SIMC1: variants seen among roughly 807,000 people sequenced by gnomAD.
The protein encoded by SIMC1 is SUMO-interacting motif-containing protein 1.
Under a neutral mutation model 82.3 loss-of-function variants are expected in SIMC1, and 55 were observed. The observed-to-expected ratio is 0.67, with a 90% CI of 0.54 to 0.84. The LOEUF is 0.84. Among genes scored for constraint, SIMC1 ranks in the 40% least tolerant of loss-of-function variants. SIMC1 has a pLI of 0.00. For synonymous variants in SIMC1, 353 were observed against 426.3 expected (o/e 0.83, Z 2.12); for missense variants, 915 against 1,107.2 (o/e 0.83, Z 2.46).
chr5:176,327,584 C>T (rs1476962107), intron 7 of SIMC1, among the ~76,000 whole-genome samples: 2 of 151,608 alleles, frequency 1.3e-5, no homozygotes, highest in African/African-American at 4.8e-5. Flanking sequence ...CTTTTGCTTG[C>T]TTTTTCTTGC....
intron 1 of SIMC1, among the ~76,000 whole-genome samples, chr5:176,272,862 T>C (rs1762507708): frequency 6.6e-6 from 1 of 152,198 alleles, no homozygotes; most frequent in Non-Finnish European, 1.5e-5. Context: ...GAGATTGAAC[T>C]GCAAGGTGCC....
chr5:176,301,758 G>A lies in SIMC1; in HGVS notation c.1734+5438G>A, dbSNP rs530760792. On this transcript the variant is annotated intron_variant, in intron 4 of 9. Transcript: ENST00000429602. ...GGTGCCACTGCACTCCAACCTGGGC[G>A]ATAGAGCGAGACTCTGTCTCAAAAA... Among the ~76,000 whole-genome samples the A allele has an allele frequency of 4.1e-4, 61 of 148,364 alleles. No individual in the cohort carries two copies. In the South Asian group the frequency reaches 6.2e-3, roughly 15 times the overall value.
At position 176,295,205 on chromosome 5, in the gene SIMC1, G is replaced by T. The variant is rs1365805192; in HGVS notation, c.1607G>T (p.Gly536Val). 5 of 1,613,386 alleles carry T rather than the reference G, an allele frequency of 3.1e-6. No individual in the cohort carries two copies. Among genetic ancestry groups the T allele is most frequent in the Admixed American group, 1.7e-5 (1 of 59,968 alleles). The change falls in exon 3 of 10, where the codon GGC (glycine) becomes GTC (valine). Residue 536 changes from glycine (G) to valine (V), a missense_variant. Coordinates refer to ENST00000429602, the MANE Select transcript of SIMC1 (RefSeq NM_001308195.2). ...ATCATCCAGAAAATCTTGCTCAGTG[G>T]CTCTGAGACTGTGGATGTCCTAAAG... ...AHIIQKILLS[G>V]SETVDVLKEA...
rs371038446 is a variant in SIMC1, at chr5:176,345,141, A to G, written c.2414-42A>G. On this transcript the variant is annotated intron_variant, in intron 9 of 9. Coordinates refer to ENST00000429602, the MANE Select transcript of SIMC1 (RefSeq NM_001308195.2). ...ATTAGACTTCTTAAAAAGAATTAAAAAGCAGTTCAGAGCACCCAACTGACT... is the reference window on the plus strand; with the variant it reads ...ATTAGACTTCTTAAAAAGAATTAAAGAGCAGTTCAGAGCACCCAACTGACT... 5 of 1,574,196 alleles carry G rather than the reference A, an allele frequency of 3.2e-6. No homozygotes were observed. The African/African-American group carries it at 5.5e-5, about 17-fold the overall frequency.
At position 176,324,161 on chromosome 5, in the gene SIMC1, G is replaced by A. The variant is rs976660974; in HGVS notation, c.2043-468G>A. On this transcript the variant is annotated intron_variant, in intron 6 of 9. Transcript: ENST00000429602. Reference sequence around the variant, plus strand: ...TTCCACCAGGGGAGGTTCTGAGACCGAACTTAGTAAGAAGCTATTGTAAAG... The same window carrying A: ...TTCCACCAGGGGAGGTTCTGAGACCAAACTTAGTAAGAAGCTATTGTAAAG... Among the ~76,000 whole-genome samples the A allele has an allele frequency of 5.9e-5, 9 of 152,174 alleles. No individual in the cohort carries two copies. The South Asian group carries it at 6.2e-4, about 11-fold the overall frequency.
intron 1 of SIMC1, among the ~76,000 whole-genome samples, chr5:176,256,382 C>T (rs187057072): frequency 6.6e-6 from 1 of 152,146 alleles, no homozygotes; most frequent in African/African-American, 2.4e-5. Flanking sequence ...TAATTATAGC[C>T]AACTTGGTCA....
At chr5:176,281,184 T>C (rs1762988977) in intron 1 of SIMC1, among the ~76,000 whole-genome samples, 1 of 152,244 alleles carries the variant, frequency 6.6e-6, no homozygotes, top group South Asian at 2.1e-4. Context: ...ATTCATTTCA[T>C]CTTCCATCGC....
intron 4 of SIMC1, chr5:176,308,793 C>T: frequency 7.9e-7 from 1 of 1,262,092 alleles, no homozygotes. Flanking sequence ...CCAGGAGGAG[C>T]AGGATGCATA....
At chr5:176,274,549 C>G (rs1762596680) in intron 1 of SIMC1, among the ~76,000 whole-genome samples, 1 of 151,782 alleles carries the variant, frequency 6.6e-6, no homozygotes, top group South Asian at 2.1e-4. Flanking sequence ...GTTGCCATTG[C>G]TTTTGGTGTT....
At chr5:176,244,802 A>G (rs570078063) in intron 1 of SIMC1, among the ~76,000 whole-genome samples, 3 of 135,690 alleles carry the variant, frequency 2.2e-5, no homozygotes, top group South Asian at 2.4e-4. Context: ...GCTCACTGCA[A>G]CCTCCACCTA....
intron 1 of SIMC1, among the ~76,000 whole-genome samples, chr5:176,251,314 C>T (rs958663111): frequency 2.0e-5 from 3 of 152,154 alleles, no homozygotes; most frequent in African/African-American, 2.4e-5. Flanking sequence ...AAGCCAAGGT[C>T]GTGCCACTGC....
chr5:176,336,964 A>G (rs1200011448), intron 8 of SIMC1, 88 bp downstream of exon 8: 2 of 1,599,840 alleles, frequency 1.3e-6, no homozygotes, highest in East Asian at 4.5e-5. Context: ...AGCTTAAAAC[A>G]CAACTGTTTG....
At chr5:176,308,689 A>G (rs1764532230) in intron 4 of SIMC1, 1 of 1,540,248 alleles carries the variant, frequency 6.5e-7, no homozygotes, top group Non-Finnish European at 9.0e-7. Context: ...GAGGAAAGGT[A>G]TGAGAGAATC....
At chr5:176,343,734 T>C (rs1766259690) in intron 9 of SIMC1, among the ~76,000 whole-genome samples, 1 of 152,192 alleles carries the variant, frequency 6.6e-6, no homozygotes, top group Non-Finnish European at 1.5e-5. Flanking sequence ...GATATTGTAC[T>C]TCATACCACT....
chr5:176,241,501 T>TATTAA (rs1761273153), intron 1 of SIMC1, among the ~76,000 whole-genome samples: 1 of 150,004 alleles, frequency 6.7e-6, no homozygotes, highest in South Asian at 2.1e-4. Context: ...CTTGTTCATT[T>TATTAA]GTTTATTAAG....
At chr5:176,286,940 C>T (rs1763316666) in intron 1 of SIMC1, among the ~76,000 whole-genome samples, 1 of 152,194 alleles carries the variant, frequency 6.6e-6, no homozygotes, top group South Asian at 2.1e-4. Context: ...TACCATATCA[C>T]ACCAGTTAGA....
chr5:176,288,224 A>T (rs74599290), intron 1 of SIMC1, among the ~76,000 whole-genome samples: 2 of 152,174 alleles, frequency 1.3e-5, no homozygotes, highest in Non-Finnish European at 2.9e-5. Context: ...CCTGGCCAAC[A>T]TGGTGAAACC....
Position 176,343,745 on chromosome 5 carries a change from G to A in SIMC1, c.2414-1438G>A, listed in dbSNP as rs139668234. 9.2e-5 allele frequency among the ~76,000 whole-genome samples: 14 copies of A among 152,182 alleles called. 1 individual carries two copies. The highest frequency in any genetic ancestry group is 7.2e-4 in the Admixed American group (11 of 15,262). ...TAAGGATATTGTACTTCATACCACT[G>A]TGCATTATCACACTCACGAAACTTT... On this transcript the variant is annotated intron_variant, in intron 9 of 9. Transcript: ENST00000429602.
intron 1 of SIMC1, among the ~76,000 whole-genome samples, chr5:176,255,074 C>G (rs1479517465): frequency 6.7e-6 from 1 of 149,302 alleles, no homozygotes; most frequent in Non-Finnish European, 1.5e-5. Flanking sequence ...GTCAGGGGTT[C>G]GAGACCAGCC....
Sources: allele counts gnomAD v4.1 joint callset (sites outside exome capture counted in the v4.1 genomes callset), GRCh38; gene constraint gnomAD v4.1.1; transcripts MANE v1.5; gene names NCBI Gene and HGNC (gene_info 2026-07-23, HGNC 2026-07-21).